Variants in VWA3A observed in about 807,000 individuals in gnomAD.
VWA3A encodes von Willebrand factor A domain containing 3A.
In VWA3A, 134 loss-of-function variants were observed where a neutral mutation model predicts 160.4. The observed-to-expected ratio is 0.84, with a 90% CI of 0.73 to 0.96. VWA3A has a LOEUF of 0.96. Among genes scored for constraint, VWA3A ranks in the 40% least tolerant of loss-of-function variants. VWA3A has a pLI of 0.00. For synonymous variants in VWA3A, 476 were observed against 543.4 expected, an observed-to-expected ratio of 0.88 and a Z score of 1.72; for missense variants, 1,310 against 1,447.9, an observed-to-expected ratio of 0.90 and a Z score of 1.55.
At chr16:22,138,291 C>CTGTGTG (rs35642540) in intron 21 of VWA3A, 69 bp from the exon 22 acceptor site, 387 of 1,357,724 alleles carry the variant, frequency 2.9e-4, no homozygotes, top group South Asian at 1.8e-3. Context: ...GTCCCTCCTG[C>CTGTGTG]TGTGTGTGTG....
intron 6 of VWA3A, 89 bp from the exon 7 acceptor site, chr16:22,109,393 G>A: frequency 9.1e-7 from 1 of 1,104,882 alleles, no homozygotes; most frequent in South Asian, 1.4e-5. Context: ...TGAGGAAAGT[G>A]TTTGCATCAC....
chr16:22,153,902 T>C (rs2046391250), intron 31 of VWA3A, among the ~76,000 whole-genome samples: 1 of 152,004 alleles, frequency 6.6e-6, no homozygotes, highest in Admixed American at 6.6e-5. Context: ...CACGCCCAGC[T>C]AATTTCTTTA....
At chr16:22,140,864 G>A (rs1199338141) in intron 23 of VWA3A, among the ~76,000 whole-genome samples, 2 of 151,360 alleles carry the variant, frequency 1.3e-5, no homozygotes, top group Non-Finnish European at 2.9e-5. Context: ...CATCTGCCTC[G>A]GCCTCCCAAA....
At chr16:22,117,941 A>G (rs1389757819) in intron 11 of VWA3A, among the ~76,000 whole-genome samples, 2 of 152,176 alleles carry the variant, frequency 1.3e-5, no homozygotes, top group Non-Finnish European at 2.9e-5. Flanking sequence ...TAGAAAGGTA[A>G]AGTAAATGAC....
chr16:22,115,546 G>C lies in VWA3A; in HGVS notation c.815+74G>C, dbSNP rs1295062610. On this transcript the variant is annotated intron_variant, in intron 9 of 33. Transcript: ENST00000389398. ...AAAACCAAACCACTTTTTGAGAAAAGATTGGCTTGTCACAGTGGCTCATGC... is the reference window on the plus strand; with the variant it reads ...AAAACCAAACCACTTTTTGAGAAAACATTGGCTTGTCACAGTGGCTCATGC... The C allele has an allele frequency of 7.4e-6, 11 of 1,480,044 alleles. No individual in the cohort carries two copies. In the African/African-American group the frequency reaches 1.1e-4, roughly 15 times the overall value. The allele number at this position is 1,480,044 out of a possible 1,614,324, so 91.7% of individuals were successfully genotyped here. A position where few individuals can be genotyped will look rare whatever the true frequency, so the allele number is the denominator to read the frequency against.
chr16:22,133,666 A>AAAG (rs1555459243), intron 20 of VWA3A, among the ~76,000 whole-genome samples: 8 of 150,468 alleles, frequency 5.3e-5, no homozygotes, highest in Non-Finnish European at 8.9e-5. Flanking sequence ...AAAAAAAAAA[A>AAAG]AAGAAGAAGA....
intron 8 of VWA3A, 82 bp downstream of exon 8, chr16:22,111,076 A>G (rs796588487): frequency 4.1e-6 from 5 of 1,224,756 alleles, no homozygotes; most frequent in Non-Finnish European, 5.7e-6. Flanking sequence ...GAATAATTCA[A>G]CTGCAAACCC....
In VWA3A at chr16:22,129,802, A is replaced by G. The variant is rs1194229159; in HGVS notation, c.1653-1403A>G. Among the ~76,000 whole-genome samples the G allele has an allele frequency of 2.6e-5, 4 of 152,162 alleles. No homozygotes were observed. The East Asian group carries it at 7.7e-4, about 29-fold the overall frequency. Reference sequence around the variant, plus strand: ...GGCAGAAGAAGGGAACCACCAAAAGAACACAAGAAAGAAGAACCCAGAGAG... The same window carrying G: ...GGCAGAAGAAGGGAACCACCAAAAGGACACAAGAAAGAAGAACCCAGAGAG... On this transcript the variant is annotated intron_variant, in intron 17 of 33. Coordinates refer to ENST00000389398, the MANE Select transcript of VWA3A (RefSeq NM_173615.5).
At chr16:22,103,337 G>A (rs1157553858) in intron 5 of VWA3A, 138 bp from the exon 6 acceptor site, 2 of 760,064 alleles carry the variant, frequency 2.6e-6, no homozygotes, top group East Asian at 2.7e-5. Flanking sequence ...CACCTAAAAG[G>A]TTCACCACCT....
At position 22,142,808 on chromosome 16, in the gene VWA3A, A is replaced by C; in HGVS notation, c.2592+43A>C. 3 of 1,425,488 alleles carry C rather than the reference A, an allele frequency of 2.1e-6. No individual in the cohort carries two copies. In the South Asian group the frequency reaches 3.7e-5, roughly 17 times the overall value. 88.3% of individuals were successfully genotyped at this position (1,425,488 alleles called of 1,614,324 possible). On this transcript the variant is annotated intron_variant, in intron 25 of 33. Coordinates refer to ENST00000389398, the MANE Select transcript of VWA3A (RefSeq NM_173615.5). ...CTAGCACATGCCCATTAAGCAATAG[A>C]GTAGTTCTGTCCACCAACCATTACT...
chr16:22,096,387 G>A (rs1012111188), intron 1 of VWA3A, among the ~76,000 whole-genome samples: 5 of 152,162 alleles, frequency 3.3e-5, no homozygotes, highest in Non-Finnish European at 7.3e-5. Flanking sequence ...TTGAGGCCAG[G>A]AGTTCGAGGC....
chr16:22,123,524 G>A (rs761201020), intron 15 of VWA3A, 89 bp from the exon 16 acceptor site: 3 of 1,608,974 alleles, frequency 1.9e-6, no homozygotes, highest in South Asian at 1.1e-5. Flanking sequence ...ACCATTCCCT[G>A]AAGCCCACCC....
At chr16:22,132,703 G>A (rs2045969796) in intron 19 of VWA3A, 197 bp from the exon 20 acceptor site, 1 of 589,680 alleles carries the variant, frequency 1.7e-6, no homozygotes, top group Non-Finnish European at 3.0e-6. Flanking sequence ...AGGCTCTCAG[G>A]TCCAGCTCCC....
At position 22,152,820 on chromosome 16, in the gene VWA3A, C is replaced by T. The variant is rs373337285; in HGVS notation, c.3405+186C>T. Reference sequence around the variant, plus strand: ...GGGTTTTCCTTCTGACGAAAAAGATCTCTGCTTTTCGTTGAGACAAAATAT... The same window carrying T: ...GGGTTTTCCTTCTGACGAAAAAGATTTCTGCTTTTCGTTGAGACAAAATAT... On this transcript the variant is annotated intron_variant, in intron 31 of 33. Coordinates refer to ENST00000389398, the MANE Select transcript of VWA3A (RefSeq NM_173615.5). Among the ~76,000 whole-genome samples, 3 of 152,090 alleles carry T rather than the reference C, an allele frequency of 2.0e-5. No individual in the cohort carries two copies. In the South Asian group the frequency reaches 6.2e-4, roughly 32 times the overall value.
At chr16:22,122,166 T>G (rs1300611173) in intron 14 of VWA3A, among the ~76,000 whole-genome samples, 2 of 135,844 alleles carry the variant, frequency 1.5e-5, no homozygotes, top group Admixed American at 1.7e-4. Context: ...GGTAAATGGA[T>G]GAATGGATGG....
chr16:22,101,376 A>AT (rs1309720315), intron 5 of VWA3A, among the ~76,000 whole-genome samples: 1 of 152,232 alleles, frequency 6.6e-6, no homozygotes, highest in Non-Finnish European at 1.5e-5. Flanking sequence ...TTGCAAATAT[A>AT]TGCCAAAAAC....
intron 7 of VWA3A, among the ~76,000 whole-genome samples, chr16:22,110,312 C>T (rs1317398631): frequency 6.6e-6 from 1 of 152,168 alleles, no homozygotes; most frequent in Non-Finnish European, 1.5e-5. Context: ...ACCATGGCAG[C>T]AATAGCCAGT....
chr16:22,149,968 C>G (rs1485916781), intron 29 of VWA3A, 37 bp downstream of exon 29: 1 of 1,573,052 alleles, frequency 6.4e-7, no homozygotes, highest in East Asian at 2.3e-5. Flanking sequence ...TGACGCAAAA[C>G]AAATACCATC....
intron 12 of VWA3A, among the ~76,000 whole-genome samples, chr16:22,120,363 A>G (rs1484449238): frequency 6.6e-6 from 1 of 152,188 alleles, no homozygotes; most frequent in Non-Finnish European, 1.5e-5. Context: ...TATGGTCATC[A>G]TAGATCTTCT....
Sources: allele counts gnomAD v4.1 joint callset (sites outside exome capture counted in the v4.1 genomes callset), GRCh38; gene constraint gnomAD v4.1.1; transcripts MANE v1.5; gene names NCBI Gene and HGNC (gene_info 2026-07-23, HGNC 2026-07-21).